TBCD: variants seen among roughly 807,000 people sequenced by gnomAD.
The protein encoded by TBCD is tubulin-specific chaperone D.
Under a neutral mutation model 169.3 loss-of-function variants are expected in TBCD, and 105 were observed. The ratio of observed to expected loss-of-function variants is 0.62; its 90% CI spans 0.53 to 0.73. The LOEUF is 0.73. Ranked by LOEUF, TBCD falls within the 30% of genes least tolerant of loss-of-function variation. The probability of loss-of-function intolerance (pLI) is 0.00; values close to 1 mark genes in which losing one functional copy is unlikely to be tolerated. For missense variants in TBCD, 1,444 were observed against 1,600.1 expected (o/e 0.90, Z 1.66); for synonymous variants, 700 against 643.9 (o/e 1.09, Z -1.32).
intron 34 of TBCD, among the ~76,000 whole-genome samples, chr17:82,933,223 G>A (rs2062352982): frequency 1.3e-5 from 2 of 151,510 alleles, no homozygotes; most frequent in South Asian, 2.1e-4. Context: ...TGGTCATCTC[G>A]TTGCTGCCAT....
chr17:82,859,428 C>T (rs2056583762), intron 13 of TBCD, among the ~76,000 whole-genome samples: 2 of 114,194 alleles, frequency 1.8e-5, no homozygotes, highest in African/African-American at 2.9e-5. Flanking sequence ...CACTGGCTTT[C>T]AGGGAAAGAG....
intron 15 of TBCD, among the ~76,000 whole-genome samples, chr17:82,886,650 C>A (rs2058724888): frequency 8.3e-4 from 1 of 1,208 alleles, no homozygotes; most frequent in African/African-American, 2.0e-3. Context: ...CCTCCCCTCC[C>A]CTCCCCTCCC....
intron 29 of TBCD, among the ~76,000 whole-genome samples, chr17:82,927,628 A>G (rs2061864235): frequency 6.6e-6 from 1 of 151,928 alleles, no homozygotes; most frequent in African/African-American, 2.4e-5. Flanking sequence ...TTTTGCCAAC[A>G]TTTCTTGCTG....
chr17:82,904,412 A>G (rs2060097148), intron 19 of TBCD, among the ~76,000 whole-genome samples: 1 of 152,212 alleles, frequency 6.6e-6, no homozygotes, highest in African/African-American at 2.4e-5. Context: ...GCCACACGTG[A>G]ATGCACTTTG....
At chr17:82,790,578 T>C (rs7224961) in intron 7 of TBCD, among the ~76,000 whole-genome samples, 15,929 of 152,216 alleles carry the variant, frequency 0.1, 2,268 homozygotes, top group African/African-American at 0.32. Context: ...TCCGTCCTCA[T>C]GCTTGTTTCT....
intron 7 of TBCD, among the ~76,000 whole-genome samples, chr17:82,783,863 G>T (rs142699850): frequency 6.6e-6 from 1 of 151,992 alleles, no homozygotes; most frequent in Non-Finnish European, 1.5e-5. Flanking sequence ...GGTGGCTCAT[G>T]CCTATAATCC....
At chr17:82,797,946 G>T in intron 8 of TBCD, 144 bp downstream of exon 8, 1 of 313,764 alleles carries the variant, frequency 3.2e-6, no homozygotes, top group Non-Finnish European at 5.3e-6. Flanking sequence ...TTTTGTTGTG[G>T]GTTTTAGTAA....
intron 22 of TBCD, 36 bp from the exon 23 acceptor site, chr17:82,911,722 G>A: frequency 6.2e-7 from 1 of 1,609,010 alleles, no homozygotes; most frequent in Non-Finnish European, 8.5e-7. Context: ...TACGTCAAGA[G>A]GTTCTTCTAA....
rs996807158 is a variant in TBCD at position 82,890,297 on chromosome 17, G to C, written c.1563+600G>C. 2.0e-5 allele frequency among the ~76,000 whole-genome samples: 3 copies of C among 152,214 alleles called. No individual in the cohort carries two copies. The highest frequency in any genetic ancestry group is 7.2e-5 in the African/African-American group (3 of 41,452). On this transcript the variant is annotated intron_variant, in intron 16 of 38. Transcript: ENST00000355528. The surrounding 1 kb of genome is among the most constrained non-coding windows in gnomAD (Gnocchi z 5.3). Reference sequence around the variant, plus strand: ...GGTCTTGCAGGAGAGTGGGACAGAGGCCGGAGAGGGGACCGGGGTCTGGGC... The same window carrying C: ...GGTCTTGCAGGAGAGTGGGACAGAGCCCGGAGAGGGGACCGGGGTCTGGGC...
chr17:82,794,912 G>A (rs2049993820), intron 7 of TBCD, among the ~76,000 whole-genome samples: 2 of 152,208 alleles, frequency 1.3e-5, no homozygotes, highest in South Asian at 4.1e-4. Flanking sequence ...CCTTCGCCCT[G>A]TAAATGTGTG....
chr17:82,800,335 C>T (rs2050415680), intron 8 of TBCD, among the ~76,000 whole-genome samples: 4 of 152,148 alleles, frequency 2.6e-5, no homozygotes, highest in Non-Finnish European at 5.9e-5. Context: ...TTGGCTCAGC[C>T]TCCTGTCCTG....
Position 82,832,617 on chromosome 17 carries a change from C to T in TBCD, c.1318+17683C>T, listed in dbSNP as rs1249691778. 9 of 675,694 alleles carry T rather than the reference C, an allele frequency of 1.3e-5. No individual in the cohort carries two copies. Among genetic ancestry groups the T allele is most frequent in the Admixed American group, 4.9e-5 (2 of 40,738 alleles). 41.9% of individuals were successfully genotyped at this position (675,694 alleles called of 1,614,324 possible). A position where few individuals can be genotyped will look rare whatever the true frequency, so the allele number is the denominator to read the frequency against. ...GTGCTGAGGGTCTGGCGAGAGCCTC[C>T]GTCATCTGGCGGCTGGGAGCTGTAA... On this transcript the variant is annotated intron_variant, in intron 13 of 38. Coordinates refer to ENST00000355528, the MANE Select transcript of TBCD (RefSeq NM_005993.5). The surrounding 1 kb of genome is among the most constrained non-coding windows in gnomAD (Gnocchi z 4.9).
chr17:82,923,573 A>G lies in TBCD; in HGVS notation c.2179-79A>G. On this transcript the variant is annotated intron_variant, in intron 25 of 38. Coordinates refer to ENST00000355528, the MANE Select transcript of TBCD (RefSeq NM_005993.5). The surrounding 1 kb of genome is among the most constrained non-coding windows in gnomAD (Gnocchi z 4.6). Reference sequence around the variant, plus strand: ...CCTGGTCAGGTGCTTCTCCGACTTCAGAGTGACCTGCTCTGTCCCTGGCCG... The same window carrying G: ...CCTGGTCAGGTGCTTCTCCGACTTCGGAGTGACCTGCTCTGTCCCTGGCCG... The G allele has an allele frequency of 8.2e-7, 1 of 1,224,408 alleles. No individual in the cohort carries two copies. Among genetic ancestry groups the G allele is most frequent in the Non-Finnish European group, 1.2e-6 (1 of 862,266 alleles). The allele number at this position is 1,224,408 out of a possible 1,614,324, so 75.8% of individuals were successfully genotyped here. A position where few individuals can be genotyped will look rare whatever the true frequency, so the allele number is the denominator to read the frequency against.
intron 13 of TBCD, among the ~76,000 whole-genome samples, chr17:82,826,148 A>G (rs1028154714): frequency 1.3e-5 from 2 of 152,212 alleles, no homozygotes; most frequent in African/African-American, 4.8e-5. Context: ...ACATAAACAT[A>G]AACTTCAACT....
chr17:82,908,522 C>T, intron 21 of TBCD: 1 of 346,214 alleles, frequency 2.9e-6, no homozygotes, highest in Non-Finnish European at 5.7e-6. Context: ...TGTCTGTTGT[C>T]CAGATAGCTT....
chr17:82,800,588 C>T (rs936818047), intron 8 of TBCD, among the ~76,000 whole-genome samples: 3 of 152,088 alleles, frequency 2.0e-5, no homozygotes, highest in Admixed American at 2.0e-4. Flanking sequence ...TGCCTGTGGT[C>T]GGTTGGGCCT....
chr17:82,832,613 C>A lies in TBCD; in HGVS notation c.1318+17679C>A. On this transcript the variant is annotated intron_variant, in intron 13 of 38. Coordinates refer to ENST00000355528, the MANE Select transcript of TBCD (RefSeq NM_005993.5). The surrounding 1 kb of genome is among the most constrained non-coding windows in gnomAD (Gnocchi z 4.9). ...CTGCGTGCTGAGGGTCTGGCGAGAGCCTCCGTCATCTGGCGGCTGGGAGCT... is the reference window on the plus strand; with the variant it reads ...CTGCGTGCTGAGGGTCTGGCGAGAGACTCCGTCATCTGGCGGCTGGGAGCT... The A allele has an allele frequency of 1.4e-6, 1 of 691,776 alleles. No individual in the cohort carries two copies. The allele number at this position is 691,776 out of a possible 1,614,324, so 42.9% of individuals were successfully genotyped here. A position where few individuals can be genotyped will look rare whatever the true frequency, so the allele number is the denominator to read the frequency against.
rs1328662683 is a variant in TBCD at position 82,938,137 on chromosome 17, G to A, written c.3369+1G>A. 2 of 1,611,406 alleles carry A rather than the reference G, an allele frequency of 1.2e-6. No individual in the cohort carries two copies. The highest frequency in any genetic ancestry group is 1.7e-6 in the Non-Finnish European group (2 of 1,179,698). ...GCTCCTCTGCCACCGTTTCCCGCTG[G>A]TGAGTGCCTGCCCCTGCTCACGTGT... On this transcript the variant is annotated splice_donor_variant, in intron 36 of 38. Coordinates refer to ENST00000355528, the MANE Select transcript of TBCD (RefSeq NM_005993.5). LOFTEE classifies it high-confidence loss of function.
chr17:82,893,718 C>A, intron 17 of TBCD, 86 bp downstream of exon 17: 1 of 1,008,374 alleles, frequency 9.9e-7, no homozygotes, highest in Non-Finnish European at 1.5e-6. Flanking sequence ...TTTCTTTTTT[C>A]ATCCTGTAAT....
Sources: allele counts gnomAD v4.1 joint callset (sites outside exome capture counted in the v4.1 genomes callset), GRCh38; gene constraint gnomAD v4.1.1; non-coding constraint Gnocchi (gnomAD v3.1); transcripts MANE v1.5; gene names NCBI Gene and HGNC (gene_info 2026-07-23, HGNC 2026-07-21).